Variants in GNG12 observed in about 807,000 individuals in gnomAD.
GNG12 encodes the protein G protein subunit gamma 12.
For missense variants in GNG12, 69 were observed against 83.8 expected, an observed-to-expected ratio of 0.82 and a Z score of 0.69; for synonymous variants, 28 against 29.7, an observed-to-expected ratio of 0.94 and a Z score of 0.19.
intron 2 of GNG12, among the ~76,000 whole-genome samples, chr1:67,731,093 T>C (rs1646416299): frequency 6.6e-6 from 1 of 152,184 alleles, no homozygotes; most frequent in African/African-American, 2.4e-5. Context: ...CTGTGACTTA[T>C]TCCTATTTTG....
intron 1 of GNG12, among the ~76,000 whole-genome samples, chr1:67,798,426 A>G (rs1049579838): frequency 6.6e-6 from 1 of 152,186 alleles, no homozygotes; most frequent in Non-Finnish European, 1.5e-5. Flanking sequence ...CCCTGGTGCC[A>G]AAAAGGTTGG....
chr1:67,773,051 G>A (rs894177421), intron 2 of GNG12, among the ~76,000 whole-genome samples: 1 of 152,172 alleles, frequency 6.6e-6, no homozygotes, highest in African/African-American at 2.4e-5. Context: ...TACTAGCATG[G>A]CCATCCTAAT....
chr1:67,737,820 C>T (rs1480302851), intron 2 of GNG12, among the ~76,000 whole-genome samples: 1 of 152,096 alleles, frequency 6.6e-6, no homozygotes, highest in Non-Finnish European at 1.5e-5. Context: ...AATATGTGGC[C>T]CCTGTAAACA....
intron 1 of GNG12, among the ~76,000 whole-genome samples, chr1:67,807,045 A>G (rs547952332): frequency 6.6e-6 from 1 of 152,316 alleles, no homozygotes; most frequent in Admixed American, 6.5e-5. Context: ...GGCCATAAAA[A>G]AAACCTTAAC....
chr1:67,817,587 G>T (rs1646960128), intron 1 of GNG12, among the ~76,000 whole-genome samples: 1 of 151,924 alleles, frequency 6.6e-6, no homozygotes, highest in South Asian at 2.1e-4. Flanking sequence ...CCCCTCCTCT[G>T]TGCTTCCATA....
At chr1:67,727,529 C>T (rs1646393559) in intron 2 of GNG12, among the ~76,000 whole-genome samples, 1 of 152,178 alleles carries the variant, frequency 6.6e-6, no homozygotes, top group Non-Finnish European at 1.5e-5. Context: ...ATGAGCAGAT[C>T]CGGCATTCGC....
At chr1:67,764,356 A>G in intron 2 of GNG12, among the ~76,000 whole-genome samples, 1 of 152,308 alleles carries the variant, frequency 6.6e-6, no homozygotes, top group East Asian at 1.9e-4. Flanking sequence ...AAATGTCTCC[A>G]AAACATTGCT....
In GNG12 at chr1:67,741,583, T is replaced by C. The variant is rs181946577; in HGVS notation, c.-26-33871A>G. On this transcript the variant is annotated intron_variant, in intron 2 of 3. Transcript: ENST00000370982. Reference sequence around the variant, plus strand: ...GGCTGGGATCACCCCAAACAGAAACTGATCATCAAAGGTCTTTAATTCCAC... The same window carrying C: ...GGCTGGGATCACCCCAAACAGAAACCGATCATCAAAGGTCTTTAATTCCAC... Among the ~76,000 whole-genome samples the C allele has an allele frequency of 7.8e-3, 1,188 of 152,360 alleles. 6 individuals are homozygous for C. The highest frequency in any genetic ancestry group is 0.034 in the Middle Eastern group (10 of 294).
rs74910352 is a variant in GNG12 at position 67,811,808 on chromosome 1, A to C, written c.-77+21536T>G. ...GCTGAGGCTCAGCAGTAAGCAGTAG[A>C]CATGTCAGTTGAGAATCACTGTCTA... On this transcript the variant is annotated intron_variant, in intron 1 of 3. Coordinates refer to ENST00000370982, the MANE Select transcript of GNG12 (RefSeq NM_018841.6). Among the ~76,000 whole-genome samples, 185 of 152,200 alleles carry C rather than the reference A, an allele frequency of 1.2e-3. 4 individuals carry two copies. The East Asian group carries it at 0.031, about 26-fold the overall frequency.
At chr1:67,809,234 C>CG (rs1646909868) in intron 1 of GNG12, among the ~76,000 whole-genome samples, 1 of 151,988 alleles carries the variant, frequency 6.6e-6, no homozygotes, top group African/African-American at 2.4e-5. Context: ...TCCCTGCCCC[C>CG]ACCAAAAAAG....
At chr1:67,721,178 A>G (rs1489936560) in intron 2 of GNG12, among the ~76,000 whole-genome samples, 1 of 152,228 alleles carries the variant, frequency 6.6e-6, no homozygotes, top group Non-Finnish European at 1.5e-5. Flanking sequence ...TGCTTTTAGG[A>G]GCAAACAATA....
At chr1:67,830,922 T>TACGG (rs1252841235) in intron 1 of GNG12, among the ~76,000 whole-genome samples, 1 of 152,242 alleles carries the variant, frequency 6.6e-6, no homozygotes, top group Non-Finnish European at 1.5e-5. Flanking sequence ...GACCATGTAC[T>TACGG]GCGTGTTAAG....
At chr1:67,789,292 T>C (rs1375714473) in intron 1 of GNG12, among the ~76,000 whole-genome samples, 1 of 152,220 alleles carries the variant, frequency 6.6e-6, no homozygotes, top group African/African-American at 2.4e-5. Context: ...TGAGGACATG[T>C]GCCTTAGAAT....
chr1:67,801,548 A>G (rs1171319681), intron 1 of GNG12, among the ~76,000 whole-genome samples: 2 of 152,190 alleles, frequency 1.3e-5, no homozygotes, highest in Non-Finnish European at 2.9e-5. Context: ...GTTTTTATAA[A>G]GACGGTAACA....
At chr1:67,734,138 C>A (rs992602414) in intron 2 of GNG12, among the ~76,000 whole-genome samples, 2 of 151,774 alleles carry the variant, frequency 1.3e-5, no homozygotes, top group Non-Finnish European at 2.9e-5. Flanking sequence ...TGTGTCCCAG[C>A]GGGAGTGTGT....
At chr1:67,809,091 C>G (rs939951337) in intron 1 of GNG12, among the ~76,000 whole-genome samples, 4 of 152,126 alleles carry the variant, frequency 2.6e-5, no homozygotes, top group African/African-American at 9.7e-5. Context: ...AACAGACTAA[C>G]AGGTGAACGA....
rs549292448 is a variant in GNG12 at position 67,799,728 on chromosome 1, T to C, written c.-76-22221A>G. ...AAATTAAAAAATACTTATTAATCCA[T>C]TAAAATATAATAGTAATAAATTCAT... On this transcript the variant is annotated intron_variant, in intron 1 of 3. Coordinates refer to ENST00000370982, the MANE Select transcript of GNG12 (RefSeq NM_018841.6). Among the ~76,000 whole-genome samples the C allele has an allele frequency of 2.0e-5, 3 of 152,324 alleles. No individual in the cohort carries two copies. In the East Asian group the frequency reaches 5.8e-4, roughly 29 times the overall value.
intron 2 of GNG12, among the ~76,000 whole-genome samples, chr1:67,744,655 T>G (rs1646498912): frequency 6.6e-6 from 1 of 152,150 alleles, no homozygotes. Context: ...GGACTCAGGT[T>G]TTTTTGTGAA....
intron 1 of GNG12, among the ~76,000 whole-genome samples, chr1:67,793,745 G>A (rs1035190760): frequency 6.6e-6 from 1 of 152,138 alleles, no homozygotes; most frequent in Non-Finnish European, 1.5e-5. Context: ...GCACTCTTTT[G>A]CAAAGCTTCA....
Sources: allele counts gnomAD v4.1 joint callset (sites outside exome capture counted in the v4.1 genomes callset), GRCh38; gene constraint gnomAD v4.1.1; transcripts MANE v1.5; gene names NCBI Gene and HGNC (gene_info 2026-07-23, HGNC 2026-07-21).